TBC1D2B: variants seen among roughly 807,000 people sequenced by gnomAD.
TBC1D2B encodes TBC1 domain family, member 2B.
Under a neutral mutation model 100.8 loss-of-function variants are expected in TBC1D2B, and 64 were observed. That is an observed-to-expected ratio of 0.64 (90% CI 0.52 to 0.78). TBC1D2B has a LOEUF of 0.78. Among genes scored for constraint, TBC1D2B ranks in the 30% least tolerant of loss-of-function variants. The pLI is 0.00. For missense variants in TBC1D2B, 1,052 were observed against 1,218.4 expected (o/e 0.86, Z 2.03); for synonymous variants, 480 against 479.7 (o/e 1.00, Z -0.01).
rs746663244 is a variant in TBC1D2B, at chr15:78,024,559, T to A, written c.1087-20A>T. 6.3e-7 allele frequency: 1 copy of A among 1,593,204 alleles called. No individual in the cohort carries two copies. Among genetic ancestry groups the A allele is most frequent in the Non-Finnish European group, 8.6e-7 (1 of 1,168,754 alleles). On this transcript the variant is annotated intron_variant, in intron 5 of 12. Coordinates refer to ENST00000300584, the MANE Select transcript of TBC1D2B (RefSeq NM_144572.2). ...AAGCTCCTGGGAGCCAAAAGGAGAATGGAGTGAAGGGTGAAAAGAGCAAGG... is the reference window on the plus strand; with the variant it reads ...AAGCTCCTGGGAGCCAAAAGGAGAAAGGAGTGAAGGGTGAAAAGAGCAAGG...
intron 2 of TBC1D2B, 122 bp from the exon 3 acceptor site, chr15:78,045,190 A>T: frequency 3.6e-6 from 3 of 828,666 alleles, no homozygotes; most frequent in Non-Finnish European, 5.4e-6. Context: ...GTATATTTTT[A>T]ATGTATACTA....
In TBC1D2B at chr15:78,047,153, A is replaced by G. The variant is rs558910092; in HGVS notation, c.515-2085T>C. 2.0e-5 allele frequency among the ~76,000 whole-genome samples: 3 copies of G among 151,276 alleles called. No homozygotes were observed. The East Asian group carries it at 5.8e-4, about 29-fold the overall frequency. ...ACAGAAGAATTACAGACTTGGTAAC[A>G]GAGTATACACTTTTTTTTTTTTTTT... On this transcript the variant is annotated intron_variant, in intron 2 of 12. Transcript: ENST00000300584.
chr15:78,032,195 C>T (rs904056003), intron 3 of TBC1D2B, among the ~76,000 whole-genome samples: 1 of 152,134 alleles, frequency 6.6e-6, no homozygotes, highest in Non-Finnish European at 1.5e-5. Flanking sequence ...GAGCCTCACA[C>T]GGGACCGGGA....
At chr15:78,024,956 C>A (rs1567020324) in intron 5 of TBC1D2B, among the ~76,000 whole-genome samples, 1 of 152,200 alleles carries the variant, frequency 6.6e-6, no homozygotes, top group Non-Finnish European at 1.5e-5. Flanking sequence ...TGGGCTGAAA[C>A]TGTGTTTAGG....
intron 3 of TBC1D2B, among the ~76,000 whole-genome samples, chr15:78,043,374 A>G (rs1303170109): frequency 6.6e-6 from 1 of 152,074 alleles, no homozygotes; most frequent in Non-Finnish European, 1.5e-5. Flanking sequence ...CCCACAACGC[A>G]CTGCCACTAC....
At chr15:78,005,880 C>A (rs1324907378) in intron 10 of TBC1D2B, among the ~76,000 whole-genome samples, 1 of 152,192 alleles carries the variant, frequency 6.6e-6, no homozygotes, top group Non-Finnish European at 1.5e-5. Flanking sequence ...CAATGTGATG[C>A]AAATTTTATC....
intron 1 of TBC1D2B, among the ~76,000 whole-genome samples, chr15:78,071,701 T>C (rs1460861748): frequency 6.6e-6 from 1 of 152,276 alleles, no homozygotes; most frequent in Non-Finnish European, 1.5e-5. Context: ...TTGGGAGTTC[T>C]GGCTGATCAC....
At chr15:78,040,890 G>GAAAGAAAGAAAGAAAGATCT (rs1567026312) in intron 3 of TBC1D2B, among the ~76,000 whole-genome samples, 1 of 147,636 alleles carries the variant, frequency 6.8e-6, no homozygotes, top group Non-Finnish European at 1.5e-5. Flanking sequence ...AAGAGAGAGA[G>GAAAGAAAGAAAGAAAGATCT]AGAGAAAGAA....
chr15:78,013,293 C>A lies in TBC1D2B; in HGVS notation c.1800G>T (p.Arg600Ser). 6.2e-7 allele frequency: 1 copy of A among 1,609,530 alleles called. No individual in the cohort carries two copies. Among genetic ancestry groups the A allele is most frequent in the Non-Finnish European group, 8.5e-7 (1 of 1,177,702 alleles). Residue 600 changes from arginine (R) to serine (S), a missense_variant, in exon 9 of 13, where the codon AGG becomes AGT. Arg to Ser is a moderately radical substitution (Grantham distance 110). This residue lies in a region of TBC1D2B where 373 missense variants were observed against 464.9 expected (regional missense o/e 0.80). Coordinates refer to ENST00000300584, the MANE Select transcript of TBC1D2B (RefSeq NM_144572.2). ...CTTCCTCATCATCCTCAGGTACAGT[C>A]CTGAACCCATAAATATCATATTCAC... The part of the protein sequence containing the change: ...LVSEYDIYGF[R>S]TVPEDDEEEK...
intron 1 of TBC1D2B, among the ~76,000 whole-genome samples, chr15:78,054,398 A>G (rs866511752): frequency 4.6e-5 from 7 of 152,248 alleles, no homozygotes; most frequent in African/African-American, 1.4e-4. Flanking sequence ...GAACCCAATT[A>G]ACAAGAAGTC....
chr15:78,016,064 G>T (rs1006353839), intron 8 of TBC1D2B, among the ~76,000 whole-genome samples: 8 of 152,178 alleles, frequency 5.3e-5, no homozygotes, highest in African/African-American at 1.9e-4. Context: ...AGTATTTCAT[G>T]AGTCTCATAT....
intron 2 of TBC1D2B, among the ~76,000 whole-genome samples, chr15:78,048,818 C>T (rs1383485500): frequency 6.6e-6 from 1 of 152,268 alleles, no homozygotes; most frequent in Admixed American, 6.5e-5. Flanking sequence ...TCCCTCTCCT[C>T]TCCTGCTGTC....
At chr15:78,018,095 T>C in intron 6 of TBC1D2B, 138 bp from the exon 7 acceptor site, 1 of 491,170 alleles carries the variant, frequency 2.0e-6, no homozygotes, top group Non-Finnish European at 3.5e-6. Flanking sequence ...GAACTAGAAG[T>C]TGTTAAAAGG....
chr15:78,043,693 C>T (rs949982170), intron 3 of TBC1D2B, among the ~76,000 whole-genome samples: 1 of 152,134 alleles, frequency 6.6e-6, no homozygotes, highest in African/African-American at 2.4e-5. Flanking sequence ...AGAAGCCAGA[C>T]ACAAAGGTAT....
In TBC1D2B at chr15:77,996,506, C is replaced by T. The variant is rs62011473; in HGVS notation, c.*1654G>A. The T allele has an allele frequency of 0.052, 7,949 of 152,270 alleles. 270 individuals carry two copies. Among genetic ancestry groups the T allele is most frequent in the Middle Eastern group, 0.11 (33 of 294 alleles). The allele number at this position is 152,270 out of a possible 1,614,324, so 9.4% of individuals were successfully genotyped here. On this transcript the variant is annotated 3_prime_UTR_variant, in exon 13 of 13. Transcript: ENST00000300584. ...ACAACTGAAGGAGTCAGACCTCAAA[C>T]TGCTGCTCTCAAAGACAAAGACAAT...
chr15:78,008,011 G>A (rs903750755), intron 10 of TBC1D2B, among the ~76,000 whole-genome samples: 7 of 152,248 alleles, frequency 4.6e-5, no homozygotes, highest in South Asian at 2.1e-4. Flanking sequence ...CAGGCCAGGC[G>A]GGGGCACAGA....
In TBC1D2B at chr15:78,013,041, C is replaced by T. The variant is rs768925166; in HGVS notation, c.2052G>A (p.Lys684=). 8.6e-5 allele frequency: 139 copies of T among 1,613,828 alleles called. 1 individual carries two copies. Among genetic ancestry groups the T allele is most frequent in the Middle Eastern group, 6.6e-4 (4 of 6,084 alleles). Residue 684 remains lysine (K), a synonymous_variant, in exon 9 of 13, where the codon AAG becomes AAA. Coordinates refer to ENST00000300584, the MANE Select transcript of TBC1D2B (RefSeq NM_144572.2). ...WCVDRHTRKF[K]DNTEPGHFQT... is the part of the protein sequence containing the mutation. ...GGAAGTGGCCAGGCTCAGTGTTGTC[C>T]TTGAACTTCCTGGTGTGACGGTCCA...
intron 12 of TBC1D2B, 94 bp from the exon 13 acceptor site, chr15:77,998,449 G>A: frequency 1.6e-6 from 2 of 1,244,868 alleles, no homozygotes; most frequent in Admixed American, 2.5e-5. Flanking sequence ...GCCTGGGGCA[G>A]GGTGGGAAGA....
intron 1 of TBC1D2B, among the ~76,000 whole-genome samples, chr15:78,062,668 A>G (rs1347986820): frequency 1.3e-5 from 2 of 152,226 alleles, no homozygotes. Flanking sequence ...TATATTTTCT[A>G]CCAATTTTCT....
Sources: allele counts gnomAD v4.1 joint callset (sites outside exome capture counted in the v4.1 genomes callset), GRCh38; gene constraint gnomAD v4.1.1; regional missense constraint gnomAD v4.1.1; transcripts MANE v1.5; gene names NCBI Gene and HGNC (gene_info 2026-07-23, HGNC 2026-07-21).